Variants in RGS5 observed in about 807,000 individuals in gnomAD.
The protein encoded by RGS5 is regulator of G-protein signalling 5.
In RGS5, 20 loss-of-function variants were observed where a neutral mutation model predicts 18.9. That is an observed-to-expected ratio of 1.06 (90% CI 0.74 to 1.54). RGS5 has a LOEUF of 1.54. Among genes scored for constraint, RGS5 ranks in the 40% most tolerant of loss-of-function variants. The pLI, the probability that RGS5 is intolerant of heterozygous loss-of-function variation, is 0.00. For synonymous variants in RGS5, 57 were observed against 76.2 expected, an observed-to-expected ratio of 0.75 and a Z score of 1.31; for missense variants, 201 against 211.8, an observed-to-expected ratio of 0.95 and a Z score of 0.32.
At chr1:163,257,008 C>G (rs1008659347) in intron 2 of RGS5, among the ~76,000 whole-genome samples, 2 of 152,138 alleles carry the variant, frequency 1.3e-5, no homozygotes, top group African/African-American at 4.8e-5. Flanking sequence ...CATAATAATT[C>G]ACTTTCCCAT....
intron 2 of RGS5, among the ~76,000 whole-genome samples, chr1:163,234,515 G>C (rs529175886): frequency 3.9e-4 from 59 of 151,994 alleles, no homozygotes; most frequent in African/African-American, 7.5e-4. Context: ...TCACAGTTTT[G>C]CTGATATCAT....
intron 1 of RGS5, among the ~76,000 whole-genome samples, chr1:163,186,351 G>A (rs1028285952): frequency 1.3e-5 from 2 of 152,022 alleles, no homozygotes; most frequent in African/African-American, 2.4e-5. Flanking sequence ...TTACAGGCAT[G>A]AGCCACTGCG....
chr1:163,179,103 TAGAG>T (rs1440498075), intron 1 of RGS5, among the ~76,000 whole-genome samples: 1 of 152,190 alleles, frequency 6.6e-6, no homozygotes, highest in Admixed American at 6.5e-5. Flanking sequence ...AGACTGTTCC[TAGAG>T]AGAAAGTCAA....
In RGS5 at chr1:163,143,203, C is replaced by A. The variant is rs530754729; in HGVS notation, c.*4139G>T. On this transcript the variant is annotated 3_prime_UTR_variant, in exon 5 of 5. Transcript: ENST00000313961. The stretch of plus-strand genomic sequence containing the variant: ...AGCTGCTAAATTGTTAACTAAAGAG[C>A]CTTGTGCGAAGCAAGTGTTCGATAC... 1 of 152,086 alleles carries A rather than the reference C, an allele frequency of 6.6e-6. No individual in the cohort carries two copies. Among genetic ancestry groups the A allele is most frequent in the Non-Finnish European group, 1.5e-5 (1 of 68,006 alleles). The allele number at this position is 152,086 out of a possible 1,614,324, so 9.4% of individuals were successfully genotyped here.
At chr1:163,296,922 A>C (rs542565533) in intron 2 of RGS5, among the ~76,000 whole-genome samples, 2 of 152,278 alleles carry the variant, frequency 1.3e-5, no homozygotes, top group South Asian at 4.1e-4. Flanking sequence ...AGAGAAATTT[A>C]CATCTGTAAA....
upstream of RGS5, among the ~76,000 whole-genome samples, chr1:163,206,050 G>A (rs148704850): frequency 3.2e-3 from 492 of 152,162 alleles, 5 homozygotes; most frequent in African/African-American, 0.011. Context: ...CTGTCTTTCT[G>A]CTAAATGTTT....
At chr1:163,230,610 A>G (rs1647455212) in intron 2 of RGS5, among the ~76,000 whole-genome samples, 2 of 152,192 alleles carry the variant, frequency 1.3e-5, no homozygotes, top group Non-Finnish European at 2.9e-5. Flanking sequence ...GTACTTTTAA[A>G]AGCAGTCTAA....
intron 2 of RGS5, among the ~76,000 whole-genome samples, chr1:163,291,006 T>C (rs72695962): frequency 0.015 from 2,215 of 152,232 alleles, 19 homozygotes; most frequent in Non-Finnish European, 0.025. Flanking sequence ...TCCTACTACA[T>C]AGACTTTACT....
At chr1:163,205,038 A>G (rs1469387447), upstream of RGS5, among the ~76,000 whole-genome samples, 2 of 152,218 alleles carry the variant, frequency 1.3e-5, no homozygotes, top group Admixed American at 6.5e-5. Flanking sequence ...AAAATTCAAT[A>G]GAAATAATGT....
intron 1 of RGS5, among the ~76,000 whole-genome samples, chr1:163,312,874 T>C (rs1404921055): frequency 2.6e-5 from 4 of 152,236 alleles, no homozygotes; most frequent in Admixed American, 2.0e-4. Flanking sequence ...GCATGATGGC[T>C]ATTGTATTTG....
chr1:163,172,094 G>T (rs1224233492), intron 1 of RGS5, among the ~76,000 whole-genome samples: 1 of 152,172 alleles, frequency 6.6e-6, no homozygotes, highest in African/African-American at 2.4e-5. Context: ...AGTTTGTACT[G>T]CAAGAGGGTG....
intron 2 of RGS5, among the ~76,000 whole-genome samples, chr1:163,265,219 G>T (rs560243072): frequency 6.6e-6 from 1 of 152,092 alleles, no homozygotes; most frequent in African/African-American, 2.4e-5. Context: ...CAACTTCAAT[G>T]ACGATCATAT....
chr1:163,293,893 T>C (rs995353829), intron 2 of RGS5, among the ~76,000 whole-genome samples: 1 of 152,132 alleles, frequency 6.6e-6, no homozygotes, highest in Non-Finnish European at 1.5e-5. Context: ...GGGCACTCAT[T>C]AAAGCTTAAA....
At chr1:163,169,647 T>G (rs1180766263) in intron 1 of RGS5, among the ~76,000 whole-genome samples, 3 of 152,214 alleles carry the variant, frequency 2.0e-5, no homozygotes, top group Non-Finnish European at 2.9e-5. Flanking sequence ...GTTTTTTGGC[T>G]GCATAAATAT....
At chr1:163,171,581 T>C (rs1206486544) in intron 1 of RGS5, among the ~76,000 whole-genome samples, 1 of 152,252 alleles carries the variant, frequency 6.6e-6, no homozygotes, top group African/African-American at 2.4e-5. Flanking sequence ...GTTCCTTTTT[T>C]TTCTATTTCT....
chr1:163,270,503 G>C (rs1000163318), intron 2 of RGS5, among the ~76,000 whole-genome samples: 5 of 151,994 alleles, frequency 3.3e-5, no homozygotes, highest in Middle Eastern at 3.4e-3. Context: ...CTGGGCAAGA[G>C]AGAGACCCTC....
intron 2 of RGS5, chr1:163,259,803 G>A: frequency 6.5e-6 from 1 of 152,700 alleles, no homozygotes. Context: ...AAAGAACATG[G>A]CATCAGCAAA....
At chr1:163,312,062 T>C (rs1649881441) in intron 1 of RGS5, among the ~76,000 whole-genome samples, 1 of 152,176 alleles carries the variant, frequency 6.6e-6, no homozygotes, top group Non-Finnish European at 1.5e-5. Flanking sequence ...CCCCGGGTGT[T>C]GAGGGAGGGA....
chr1:163,195,692 T>C (rs1318706167), intron 1 of RGS5, among the ~76,000 whole-genome samples: 4 of 151,632 alleles, frequency 2.6e-5, no homozygotes, highest in Non-Finnish European at 5.9e-5. Context: ...AAAGATGAGG[T>C]TATGATGAGG....
Sources: gnomAD v4.1 joint callset for allele counts (sites outside exome capture counted in the v4.1 genomes callset) on GRCh38, gnomAD v4.1.1 for gene constraint, MANE v1.5 for transcripts, NCBI Gene and HGNC (gene_info 2026-07-23, HGNC 2026-07-21) for gene names.